Variants in ACTR3C observed in about 807,000 individuals in gnomAD.
ACTR3C encodes actin-related protein 3C.
A neutral mutation model predicts 26.3 loss-of-function variants in ACTR3C; 18 were observed. The observed-to-expected ratio is 0.68, with a 90% CI of 0.47 to 1.01. ACTR3C has a LOEUF of 1.01. Ranked by LOEUF, ACTR3C falls within the 50% of genes least tolerant of loss-of-function variation. The probability of loss-of-function intolerance (pLI) is 0.00; values close to 1 mark genes in which losing one functional copy is unlikely to be tolerated. For missense variants in ACTR3C, 184 were observed against 250.7 expected (o/e 0.73, Z 1.80); for synonymous variants, 55 against 94.5 (o/e 0.58, Z 2.42).
the ACTR3C span, among the ~76,000 whole-genome samples, chr7:150,042,171 G>A: frequency 8.3e-5 from 2 of 24,020 alleles, 1 homozygote; most frequent in Non-Finnish European, 1.5e-4. Flanking sequence ...CTCAGTCCCT[G>A]CCTCGCGGGG....
At chr7:150,064,649 T>C in the ACTR3C span, among the ~76,000 whole-genome samples, 18,472 of 145,266 alleles carry the variant, frequency 0.13, 1,178 homozygotes, top group South Asian at 0.19. Flanking sequence ...TATTTTCACA[T>C]ACACACACAC....
intron 6 of ACTR3C, among the ~76,000 whole-genome samples, chr7:150,284,537 C>G (rs144254674): frequency 6.6e-6 from 1 of 152,158 alleles, no homozygotes; most frequent in African/African-American, 2.4e-5. Flanking sequence ...CAGAGCAAGA[C>G]TCCGTCTCCA....
the ACTR3C span, among the ~76,000 whole-genome samples, chr7:149,986,466 A>C: frequency 2.0e-5 from 3 of 152,160 alleles, no homozygotes; most frequent in Admixed American, 2.0e-4. Flanking sequence ...TTCCCTGACT[A>C]CCCAAGCAGA....
chr7:150,033,995 GA>G, the ACTR3C span, among the ~76,000 whole-genome samples: 1 of 150,344 alleles, frequency 6.7e-6, no homozygotes, highest in African/African-American at 2.5e-5. Flanking sequence ...GCCTCGGGGG[GA>G]TTGCCTGCCC....
chr7:149,903,917 TTG>T, the ACTR3C span, among the ~76,000 whole-genome samples: 2 of 110,098 alleles, frequency 1.8e-5, no homozygotes, highest in African/African-American at 2.8e-5. Context: ...GTTGTTGTTG[TTG>T]TTGTTGTTGT....
At chr7:149,905,297 A>G in the ACTR3C span, among the ~76,000 whole-genome samples, 2 of 152,134 alleles carry the variant, frequency 1.3e-5, no homozygotes, top group South Asian at 2.1e-4. Context: ...TGGTACCTCC[A>G]TATGATCAAA....
At chr7:150,101,358 C>T in the ACTR3C span, among the ~76,000 whole-genome samples, 1 of 151,656 alleles carries the variant, frequency 6.6e-6, no homozygotes, top group Non-Finnish European at 1.5e-5. Flanking sequence ...GGTAAGTGAC[C>T]TATCTGCACC....
chr7:150,096,023 G>T, the ACTR3C span, among the ~76,000 whole-genome samples: 3 of 147,350 alleles, frequency 2.0e-5, no homozygotes, highest in African/African-American at 7.9e-5. Flanking sequence ...CGTGCACAGT[G>T]ACATTCTTTT....
chr7:150,032,132 T>C, the ACTR3C span, among the ~76,000 whole-genome samples: 1 of 152,174 alleles, frequency 6.6e-6, no homozygotes, highest in African/African-American at 2.4e-5. Flanking sequence ...CAAGCAGCTA[T>C]GATTACAGGT....
the ACTR3C span, among the ~76,000 whole-genome samples, chr7:150,040,913 C>A: frequency 0.48 from 71,945 of 148,950 alleles, 19,514 homozygotes; most frequent in East Asian, 0.68. Flanking sequence ...GCCCAAGAGT[C>A]AGCTTATTTG....
the ACTR3C span, among the ~76,000 whole-genome samples, chr7:149,934,014 A>G: frequency 4.0e-5 from 6 of 149,874 alleles, no homozygotes; most frequent in South Asian, 1.3e-3. Flanking sequence ...ACTCAATGCC[A>G]GCAACGCATA....
At chr7:149,888,146 G>A in the ACTR3C span, among the ~76,000 whole-genome samples, 1 of 152,214 alleles carries the variant, frequency 6.6e-6, no homozygotes, top group African/African-American at 2.4e-5. Context: ...CATTATTGCG[G>A]CACACCTGAC....
At chr7:150,227,185 A>G in the ACTR3C span, among the ~76,000 whole-genome samples, 19 of 151,542 alleles carry the variant, frequency 1.3e-4, no homozygotes, top group Non-Finnish European at 2.6e-4. Context: ...AATATGCAAC[A>G]TGTTATTATC....
chr7:150,192,438 A>G, the ACTR3C span, among the ~76,000 whole-genome samples: 3 of 152,112 alleles, frequency 2.0e-5, no homozygotes, highest in African/African-American at 7.2e-5. Flanking sequence ...AGTAGCTACG[A>G]TTGCAGGTGC....
the ACTR3C span, among the ~76,000 whole-genome samples, chr7:149,896,034 C>CA: frequency 0.092 from 7,661 of 82,884 alleles, 421 homozygotes; most frequent in African/African-American, 0.17. Context: ...CCTGTCTCTA[C>CA]AAAAAAAAAA....
the ACTR3C span, among the ~76,000 whole-genome samples, chr7:150,061,113 G>A: frequency 0.025 from 1,568 of 62,694 alleles, 17 homozygotes; most frequent in African/African-American, 0.085. Context: ...AACACTGGCT[G>A]AGAGATAGTG....
chr7:150,021,259 A>T, the ACTR3C span, among the ~76,000 whole-genome samples: 2 of 152,024 alleles, frequency 1.3e-5, no homozygotes, highest in African/African-American at 4.8e-5. Context: ...ATGCTGAAGG[A>T]CAGATAACTG....
chr7:150,034,115 G>A, the ACTR3C span, among the ~76,000 whole-genome samples: 68 of 152,048 alleles, frequency 4.5e-4, no homozygotes, highest in African/African-American at 1.5e-3. Context: ...ACAACCGGGG[G>A]GAAGAGGGGA....
At chr7:149,988,583 G>GGT in the ACTR3C span, among the ~76,000 whole-genome samples, 1 of 152,232 alleles carries the variant, frequency 6.6e-6, no homozygotes. Context: ...GCTCAGAGAT[G>GGT]ACCGTTGGGC....
Sources: allele counts gnomAD v4.1 joint callset (sites outside exome capture counted in the v4.1 genomes callset), GRCh38; gene constraint gnomAD v4.1.1; transcripts MANE v1.5; gene names NCBI Gene and HGNC (gene_info 2026-07-23, HGNC 2026-07-21).